Variants in GLIS3 observed in about 807,000 individuals in gnomAD.
GLIS3 encodes the protein GLIS family zinc finger 3.
Under a neutral mutation model 78.6 loss-of-function variants are expected in GLIS3, and 53 were observed. That is an observed-to-expected ratio of 0.67 (90% CI 0.54 to 0.85). GLIS3 has a LOEUF of 0.85. Ranked by LOEUF, GLIS3 falls within the 40% of genes least tolerant of loss-of-function variation. The pLI is 0.00. For synonymous variants in GLIS3, 684 were observed against 509.9 expected (o/e 1.34, Z -4.60); for missense variants, 1,703 against 1,231.1 (o/e 1.38, Z -5.74).
intron 7 of GLIS3, among the ~76,000 whole-genome samples, chr9:3,888,986 A>G: frequency 6.6e-6 from 1 of 152,160 alleles, no homozygotes; most frequent in Non-Finnish European, 1.5e-5. Flanking sequence ...CTAAAGTTCA[A>G]TATTTCAATT....
At chr9:4,108,585 C>T (rs575412514) in intron 4 of GLIS3, among the ~76,000 whole-genome samples, 2 of 152,190 alleles carry the variant, frequency 1.3e-5, no homozygotes, top group Non-Finnish European at 2.9e-5. Flanking sequence ...AATTTTCATA[C>T]TAGCCACTGG....
chr9:4,318,802 G>C (rs570876274), intron 2 of GLIS3, among the ~76,000 whole-genome samples: 1 of 152,294 alleles, frequency 6.6e-6, no homozygotes, highest in South Asian at 2.1e-4. Flanking sequence ...GTGAAAGTTT[G>C]TTGGTGAACA....
chr9:4,364,478 A>C, the GLIS3 span, among the ~76,000 whole-genome samples: 1 of 152,168 alleles, frequency 6.6e-6, no homozygotes, highest in African/African-American at 2.4e-5. Flanking sequence ...ATTGTATGCT[A>C]CCAATTAAAA....
chr9:4,252,948 G>T (rs762932781), intron 2 of GLIS3, among the ~76,000 whole-genome samples: 8 of 152,192 alleles, frequency 5.3e-5, no homozygotes, highest in Non-Finnish European at 7.3e-5. Context: ...GGAGGCTGCA[G>T]AACAGCAAAA....
chr9:4,167,049 A>G (rs1326002039), intron 2 of GLIS3, among the ~76,000 whole-genome samples: 1 of 151,910 alleles, frequency 6.6e-6, no homozygotes, highest in African/African-American at 2.4e-5. Flanking sequence ...CATTGACGCA[A>G]GTGGAGAATC....
chr9:3,949,119 G>A (rs1816498476), intron 4 of GLIS3, among the ~76,000 whole-genome samples: 1 of 152,158 alleles, frequency 6.6e-6, no homozygotes, highest in South Asian at 2.1e-4. Flanking sequence ...TATTTTTCAA[G>A]AGGTCAAGGA....
At chr9:4,342,926 A>T (rs1817855560) in intron 2 of GLIS3, among the ~76,000 whole-genome samples, 1 of 152,130 alleles carries the variant, frequency 6.6e-6, no homozygotes, top group African/African-American at 2.4e-5. Flanking sequence ...AATGCTACTG[A>T]TTTTTGTACA....
chr9:4,100,659 G>C (rs1384741436), intron 4 of GLIS3, among the ~76,000 whole-genome samples: 1 of 152,014 alleles, frequency 6.6e-6, no homozygotes, highest in Admixed American at 6.6e-5. Flanking sequence ...TAATTTAGCA[G>C]GACTCAGTTG....
chr9:4,029,918 T>C lies in GLIS3; in HGVS notation c.1710+87850A>G, dbSNP rs568622537. Among the ~76,000 whole-genome samples the C allele has an allele frequency of 6.6e-5, 10 of 152,352 alleles. No homozygotes were observed. In the South Asian group the frequency reaches 1.9e-3, roughly 28 times the overall value. On this transcript the variant is annotated intron_variant, in intron 4 of 10. Coordinates refer to ENST00000381971, the MANE Select transcript of GLIS3 (RefSeq NM_001042413.2). ...TGCAACAAACATAGGAGTGCAGATA[T>C]CTCTTCAATATACTGATTTCCTTTC...
the GLIS3 span, among the ~76,000 whole-genome samples, chr9:4,408,089 T>C: frequency 6.6e-6 from 1 of 152,102 alleles, no homozygotes; most frequent in African/African-American, 2.4e-5. Flanking sequence ...CCAGTTAAAA[T>C]GGCTTTTATC....
intron 4 of GLIS3, among the ~76,000 whole-genome samples, chr9:3,945,275 T>C (rs998120401): frequency 6.6e-6 from 1 of 152,242 alleles, no homozygotes; most frequent in African/African-American, 2.4e-5. Context: ...TATATGAGCA[T>C]AATACTTCTA....
intron 3 of GLIS3, among the ~76,000 whole-genome samples, chr9:4,123,467 C>G (rs1451430204): frequency 6.6e-6 from 1 of 152,048 alleles, no homozygotes; most frequent in Non-Finnish European, 1.5e-5. Flanking sequence ...CAGAGCTGAT[C>G]CAATAAAGCA....
At chr9:4,213,411 T>C (rs1174730995) in intron 2 of GLIS3, among the ~76,000 whole-genome samples, 1 of 152,216 alleles carries the variant, frequency 6.6e-6, no homozygotes, top group Non-Finnish European at 1.5e-5. Context: ...ATCCCCATGT[T>C]GATTTTCTCT....
chr9:3,968,318 A>C (rs1818113455), intron 4 of GLIS3, among the ~76,000 whole-genome samples: 1 of 152,196 alleles, frequency 6.6e-6, no homozygotes, highest in African/African-American at 2.4e-5. Context: ...AGTGCTGATG[A>C]TAGGGAGCTT....
At chr9:4,356,657 T>C in the GLIS3 span, among the ~76,000 whole-genome samples, 11 of 152,234 alleles carry the variant, frequency 7.2e-5, no homozygotes, top group Admixed American at 3.9e-4. Context: ...CATCAGATTT[T>C]ACAAAGAGTA....
At chr9:4,068,479 G>C (rs1827293224) in intron 4 of GLIS3, among the ~76,000 whole-genome samples, 1 of 152,128 alleles carries the variant, frequency 6.6e-6, no homozygotes, top group Non-Finnish European at 1.5e-5. Context: ...AAAGAAAAAA[G>C]GCTAATGATG....
the GLIS3 span, among the ~76,000 whole-genome samples, chr9:4,443,874 T>A: frequency 6.6e-6 from 1 of 152,124 alleles, no homozygotes; most frequent in Non-Finnish European, 1.5e-5. Context: ...CTCAAAGAAG[T>A]CAAAATTATG....
intron 4 of GLIS3, among the ~76,000 whole-genome samples, chr9:4,047,373 A>G (rs1472626847): frequency 6.6e-6 from 1 of 152,186 alleles, no homozygotes; most frequent in Non-Finnish European, 1.5e-5. Context: ...AAAACGGACT[A>G]ATACAATTGG....
chr9:3,897,005 A>T (rs1193689095), intron 7 of GLIS3, among the ~76,000 whole-genome samples: 2 of 152,250 alleles, frequency 1.3e-5, no homozygotes, highest in Non-Finnish European at 2.9e-5. Context: ...TAAAATATTT[A>T]AAACTCTAAA....
Sources: gnomAD v4.1 joint callset for allele counts (sites outside exome capture counted in the v4.1 genomes callset) on GRCh38, gnomAD v4.1.1 for gene constraint, MANE v1.5 for transcripts, NCBI Gene and HGNC (gene_info 2026-07-23, HGNC 2026-07-21) for gene names.